NIBAN1: variants seen among roughly 807,000 people sequenced by gnomAD.
NIBAN1 encodes niban apoptosis regulator 1, also known as protein Niban 1.
A neutral mutation model predicts 75.1 loss-of-function variants in NIBAN1; 81 were observed. The observed-to-expected ratio is 1.08, with a 90% confidence interval of 0.90 to 1.30. The LOEUF is 1.30. NIBAN1 is among the 50% of genes most tolerant of loss of function. The pLI is 0.00. For missense variants in NIBAN1, 1,133 were observed against 1,128.1 expected, an observed-to-expected ratio of 1.00 and a Z score of -0.06; for synonymous variants, 436 against 424.8, an observed-to-expected ratio of 1.03 and a Z score of -0.32.
intron 1 of NIBAN1, among the ~76,000 whole-genome samples, chr1:184,959,679 A>T (rs866472694): frequency 6.6e-6 from 1 of 152,328 alleles, no homozygotes; most frequent in African/African-American, 2.4e-5. Context: ...ACTTGGGATC[A>T]GTTTGATCTG....
In NIBAN1 at chr1:184,851,837, C is replaced by A. The variant is rs760235240; in HGVS notation, c.602-19875G>T. 1.0e-3 allele frequency among the ~76,000 whole-genome samples: 112 copies of A among 111,508 alleles called. 1 individual carries two copies. The highest frequency in any genetic ancestry group is 4.8e-3 in the Middle Eastern group (1 of 210). The allele number at this position is 111,508 out of a possible 152,430, so 73.2% of individuals were successfully genotyped here. On this transcript the variant is annotated intron_variant, in intron 5 of 13. Transcript: ENST00000367511. ...CTTAGGAATATACAGGCTGATCTAA[C>A]GACTTTTTTTTTTTTTTTAACTAAT...
chr1:184,883,122 C>T (rs891417040), intron 5 of NIBAN1, among the ~76,000 whole-genome samples: 3 of 152,116 alleles, frequency 2.0e-5, no homozygotes, highest in Non-Finnish European at 4.4e-5. Flanking sequence ...TCAGGGAAAC[C>T]TCTGAATTTT....
At chr1:184,877,315 G>A (rs965223690) in intron 5 of NIBAN1, among the ~76,000 whole-genome samples, 1 of 151,728 alleles carries the variant, frequency 6.6e-6, no homozygotes, top group African/African-American at 2.4e-5. Flanking sequence ...TGATAAAGCT[G>A]TAAAGAAAAG....
intron 1 of NIBAN1, among the ~76,000 whole-genome samples, chr1:184,911,846 T>A (rs905823845): frequency 6.6e-6 from 1 of 152,156 alleles, no homozygotes; most frequent in Non-Finnish European, 1.5e-5. Context: ...TCAGACAGAA[T>A]AATAAAGTGA....
chr1:184,907,293 T>A (rs905749696), intron 1 of NIBAN1, among the ~76,000 whole-genome samples: 5 of 151,992 alleles, frequency 3.3e-5, no homozygotes, highest in Non-Finnish European at 5.9e-5. Flanking sequence ...CAGAAATAAA[T>A]AAAAATAAGT....
Position 184,794,807 on chromosome 1 carries a change from C to A in NIBAN1, c.*170G>T. The A allele has an allele frequency of 1.2e-6, 1 of 804,358 alleles. No individual in the cohort carries two copies. Among genetic ancestry groups the A allele is most frequent in the Non-Finnish European group, 2.0e-6 (1 of 494,356 alleles). 49.8% of individuals were successfully genotyped at this position (804,358 alleles called of 1,614,324 possible). On this transcript the variant is annotated 3_prime_UTR_variant, in exon 14 of 14. Coordinates refer to ENST00000367511, the MANE Select transcript of NIBAN1 (RefSeq NM_052966.4). Reference sequence around the variant, plus strand: ...TTCATCGTAGAACAATTCATGTCCACAAAGGTTTGCCTCAGTTGCTCATGC... The same window carrying A: ...TTCATCGTAGAACAATTCATGTCCAAAAAGGTTTGCCTCAGTTGCTCATGC...
Position 184,974,286 on chromosome 1 carries a change from G to C in NIBAN1, c.55+16C>G, listed in dbSNP as rs1425977383. Reference sequence around the variant, plus strand: ...GGGTCAGGGTGCTCCCCAGGCCCCCGGGCGGGCGGGCGTACCTCGGATGTA... The same window carrying C: ...GGGTCAGGGTGCTCCCCAGGCCCCCCGGCGGGCGGGCGTACCTCGGATGTA... On this transcript the variant is annotated intron_variant, in intron 1 of 13. Transcript: ENST00000367511. 2 of 1,550,570 alleles carry C rather than the reference G, an allele frequency of 1.3e-6. No individual in the cohort carries two copies. Among genetic ancestry groups the C allele is most frequent in the South Asian group, 2.4e-5 (2 of 84,688 alleles).
chr1:184,815,203 T>G (rs1429106232), intron 9 of NIBAN1, among the ~76,000 whole-genome samples: 1 of 152,218 alleles, frequency 6.6e-6, no homozygotes, highest in Non-Finnish European at 1.5e-5. Context: ...AGGGCTGATG[T>G]TATAACAGTA....
chr1:184,792,917 C>T lies in NIBAN1; in HGVS notation c.*2060G>A, dbSNP rs766168429. On this transcript the variant is annotated 3_prime_UTR_variant, in exon 14 of 14. Transcript: ENST00000367511. ...GAGAGACAAGAAGTAAACCTAATTT[C>T]AACACACCATGCTAAATGCCAGGAT... is the stretch of plus-strand genomic sequence containing the variant. The T allele has an allele frequency of 8.5e-5, 13 of 152,216 alleles. No individual in the cohort carries two copies. Among genetic ancestry groups the T allele is most frequent in the Non-Finnish European group, 1.8e-4 (12 of 68,052 alleles). 9.4% of individuals were successfully genotyped at this position (152,216 alleles called of 1,614,324 possible).
At chr1:184,862,866 C>G (rs1374701891) in intron 5 of NIBAN1, among the ~76,000 whole-genome samples, 1 of 150,412 alleles carries the variant, frequency 6.6e-6, no homozygotes, top group Non-Finnish European at 1.5e-5. Flanking sequence ...ATTTTAAGTT[C>G]AGGGGTAAAA....
intron 5 of NIBAN1, among the ~76,000 whole-genome samples, chr1:184,842,263 A>G (rs1655307276): frequency 6.6e-6 from 1 of 152,216 alleles, no homozygotes; most frequent in South Asian, 2.1e-4. Context: ...GTGAGCATCA[A>G]CATCACCTAG....
intron 1 of NIBAN1, among the ~76,000 whole-genome samples, chr1:184,925,288 C>A (rs987696650): frequency 3.3e-5 from 5 of 152,020 alleles, no homozygotes; most frequent in Admixed American, 3.3e-4. Context: ...TTATTTTCAG[C>A]CTATGTGTGT....
chr1:184,805,020 C>T (rs961628004), intron 11 of NIBAN1, among the ~76,000 whole-genome samples: 1 of 152,182 alleles, frequency 6.6e-6, no homozygotes, highest in Non-Finnish European at 1.5e-5. Flanking sequence ...GATCTCCTGA[C>T]CTCGTGATCT....
At position 184,884,810 on chromosome 1, in the gene NIBAN1, T is replaced by C. The variant is rs1656476038; in HGVS notation, c.434-10A>G. 1 of 1,612,342 alleles carries C rather than the reference T, an allele frequency of 6.2e-7. No homozygotes were observed. Among genetic ancestry groups the C allele is most frequent in the African/African-American group, 1.3e-5 (1 of 74,794 alleles). On this transcript the variant is annotated splice_polypyrimidine_tract_variant and intron_variant, in intron 4 of 13. Coordinates refer to ENST00000367511, the MANE Select transcript of NIBAN1 (RefSeq NM_052966.4). Reference sequence around the variant, plus strand: ...TCCTTCTCACTGGAGGCTAAAGAAATATTGAAAACACAAATACCTTTTAAA... The same window carrying C: ...TCCTTCTCACTGGAGGCTAAAGAAACATTGAAAACACAAATACCTTTTAAA...
intron 5 of NIBAN1, among the ~76,000 whole-genome samples, chr1:184,867,447 T>C (rs1308223940): frequency 6.6e-6 from 1 of 152,192 alleles, no homozygotes; most frequent in Admixed American, 6.5e-5. Context: ...CTTTTTGTTC[T>C]CAACTTGAAA....
At chr1:184,858,153 AT>A (rs769258935) in intron 5 of NIBAN1, among the ~76,000 whole-genome samples, 2 of 152,122 alleles carry the variant, frequency 1.3e-5, no homozygotes, top group African/African-American at 2.4e-5. Flanking sequence ...TGAGCAATGA[AT>A]TTGAGAAAAA....
chr1:184,800,960 T>G (rs1333953786), intron 12 of NIBAN1, among the ~76,000 whole-genome samples: 1 of 152,192 alleles, frequency 6.6e-6, no homozygotes, highest in Non-Finnish European at 1.5e-5. Context: ...TCAGGCATGG[T>G]GCATCCCTTA....
intron 1 of NIBAN1, among the ~76,000 whole-genome samples, chr1:184,922,525 C>T (rs1202862918): frequency 6.6e-6 from 1 of 152,128 alleles, no homozygotes; most frequent in Non-Finnish European, 1.5e-5. Flanking sequence ...TTTCATGTAC[C>T]TGTCTGCTAT....
chr1:184,844,897 C>T (rs576045458), intron 5 of NIBAN1, among the ~76,000 whole-genome samples: 39 of 152,316 alleles, frequency 2.6e-4, no homozygotes, highest in African/African-American at 9.1e-4. Context: ...TTTCATGGCC[C>T]TCTCCTTAGA....
Sources: allele counts gnomAD v4.1 joint callset (sites outside exome capture counted in the v4.1 genomes callset), GRCh38; gene constraint gnomAD v4.1.1; transcripts MANE v1.5; gene names NCBI Gene and HGNC (gene_info 2026-07-23, HGNC 2026-07-21).